The following MDGA2 variants were observed in gnomAD, a reference collection of about 807,000 sequenced individuals.
MDGA2 encodes the protein MAM domain-containing glycosylphosphatidylinositol anchor protein 2.
Under a neutral mutation model 117.8 loss-of-function variants are expected in MDGA2, and 40 were observed. The observed-to-expected ratio is 0.34, with a 90% CI of 0.26 to 0.44. The LOEUF is 0.44. Ranked by LOEUF, MDGA2 falls within the 20% of genes least tolerant of loss-of-function variation. The probability of loss-of-function intolerance (pLI) is 1.00; values close to 1 mark genes in which losing one functional copy is unlikely to be tolerated. For synonymous variants in MDGA2, 452 were observed against 439.0 expected, an observed-to-expected ratio of 1.03 and a Z score of -0.37; for missense variants, 1,123 against 1,250.6, an observed-to-expected ratio of 0.90 and a Z score of 1.54.
intron 1 of MDGA2, among the ~76,000 whole-genome samples, chr14:47,607,893 T>C (rs539944032): frequency 1.3e-5 from 2 of 152,250 alleles, no homozygotes; most frequent in South Asian, 4.1e-4. Flanking sequence ...ACAGGAAAAG[T>C]GTTCATAATA....
intron 9 of MDGA2, among the ~76,000 whole-genome samples, chr14:46,946,596 A>G (rs1885179298): frequency 6.6e-6 from 1 of 152,112 alleles, no homozygotes; most frequent in Non-Finnish European, 1.5e-5. Context: ...CTCCTATGGA[A>G]CATACATTAT....
chr14:47,190,913 CA>C lies in MDGA2; in HGVS notation c.595+27107del, dbSNP rs1415026122. Reference sequence around the variant, plus strand: ...TCTTATTACACTACCTTGTTTGAAACAACATAGTTAGAGGTCAGTTAGTGCA... The same window carrying C: ...TCTTATTACACTACCTTGTTTGAAACACATAGTTAGAGGTCAGTTAGTGCA... On this transcript the variant is annotated intron_variant, in intron 3 of 16. Coordinates refer to ENST00000399232, the MANE Select transcript of MDGA2 (RefSeq NM_001113498.3). Among the ~76,000 whole-genome samples, 24 of 152,196 alleles carry C rather than the reference CA, an allele frequency of 1.6e-4. No individual in the cohort carries two copies. The South Asian group carries it at 4.4e-3, about 28-fold the overall frequency.
At position 47,614,019 on chromosome 14, in the gene MDGA2, G is replaced by A. The variant is rs12100824; in HGVS notation, c.280+60498C>T. ...TTAGAAGTTATGATAAACTTTTCCC[G>A]GACAAAAATCAATTTTCCCCATAAA... is the stretch of plus-strand genomic sequence containing the variant. On this transcript the variant is annotated intron_variant, in intron 1 of 16. Coordinates refer to ENST00000399232, the MANE Select transcript of MDGA2 (RefSeq NM_001113498.3). Among the ~76,000 whole-genome samples the A allele has an allele frequency of 2.6e-3, 391 of 150,976 alleles. 3 individuals are homozygous for A. The highest frequency in any genetic ancestry group is 9.1e-3 in the African/African-American group (376 of 41,200).
chr14:47,194,008 C>A (rs971053783), intron 3 of MDGA2, among the ~76,000 whole-genome samples: 1 of 152,086 alleles, frequency 6.6e-6, no homozygotes, highest in Non-Finnish European at 1.5e-5. Flanking sequence ...ACAAGTAACT[C>A]AAAAATCACT....
Position 47,668,540 on chromosome 14 carries a change from T to C in MDGA2, c.280+5977A>G, listed in dbSNP as rs140244907. Among the ~76,000 whole-genome samples the C allele has an allele frequency of 6.1e-3, 929 of 152,316 alleles. 11 individuals carry two copies. Among genetic ancestry groups the C allele is most frequent in the African/African-American group, 0.021 (877 of 41,564 alleles). ...TTTTACAGGGCCAAAAGATTATTAA[T>C]TGGATTTGAAAATAAAGATAGGATA... On this transcript the variant is annotated intron_variant, in intron 1 of 16. Transcript: ENST00000399232.
chr14:46,924,606 T>C (rs1183329047), intron 9 of MDGA2, among the ~76,000 whole-genome samples: 2 of 151,980 alleles, frequency 1.3e-5, no homozygotes, highest in African/African-American at 4.8e-5. Flanking sequence ...AGCTAATACA[T>C]ATTGCTTTCC....
intron 2 of MDGA2, among the ~76,000 whole-genome samples, chr14:47,260,384 C>A (rs950288008): frequency 4.6e-5 from 7 of 151,902 alleles, no homozygotes; most frequent in African/African-American, 1.7e-4. Flanking sequence ...AAGTGAAAGA[C>A]GACAGTCAAG....
chr14:46,965,408 A>T (rs1399909284), intron 8 of MDGA2, among the ~76,000 whole-genome samples: 1 of 152,208 alleles, frequency 6.6e-6, no homozygotes, highest in Non-Finnish European at 1.5e-5. Flanking sequence ...ATGTTGGGTT[A>T]AAATTCTTCA....
rs73248044 is a variant in MDGA2, at chr14:47,131,743, A to G, written c.896T>C (p.Met299Thr). Reference sequence around the variant, plus strand: ...TTTATTGGACAGTCTAAACGACACCATCTTATCAGGAATATTACATACATT... The same window carrying G: ...TTTATTGGACAGTCTAAACGACACCGTCTTATCAGGAATATTACATACATT... Reference protein sequence around the residue: ...VRNVCNIPDKMVSFRLSNKTA... With the variant: ...VRNVCNIPDKTVSFRLSNKTA... Residue 299 changes from methionine to threonine, a missense_variant, in exon 5 of 17, where the codon ATG becomes ACG. Transcript: ENST00000399232. 5,645 of 1,580,262 alleles carry G rather than the reference A, an allele frequency of 3.6e-3. 166 individuals are homozygous for G. In the African/African-American group the frequency reaches 0.067, roughly 19 times the overall value.
intron 1 of MDGA2, among the ~76,000 whole-genome samples, chr14:47,522,340 T>TACATGTATAC (rs1894886074): frequency 8.8e-6 from 1 of 113,200 alleles, no homozygotes; most frequent in African/African-American, 3.2e-5. Flanking sequence ...TATGTGTGTA[T>TACATGTATAC]ATATGTATAT....
In MDGA2 at chr14:46,920,126, G is replaced by A; in HGVS notation, c.2124C>T (p.Thr708=). 1.2e-6 allele frequency: 2 copies of A among 1,609,788 alleles called. No individual in the cohort carries two copies. The highest frequency in any genetic ancestry group is 1.7e-6 in the Non-Finnish European group (2 of 1,178,350). Residue 708 remains threonine, a synonymous_variant, in exon 10 of 17, where the codon ACC becomes ACT. Transcript: ENST00000399232. The part of the protein sequence containing the change: ...KAYAPEFYYD[T]YNPVWQNRHR... ...GTCTGTTCTGCCATACTGGATTGTA[G>A]GTATCATAATAGAATTCTGGAGCAT...
intron 1 of MDGA2, among the ~76,000 whole-genome samples, chr14:47,467,324 A>C (rs1893624779): frequency 6.6e-6 from 1 of 152,124 alleles, no homozygotes; most frequent in Non-Finnish European, 1.5e-5. Flanking sequence ...TGCAAACTGC[A>C]TGTGCTGCAG....
chr14:47,174,229 G>C (rs562500756), intron 3 of MDGA2, among the ~76,000 whole-genome samples: 1 of 152,168 alleles, frequency 6.6e-6, no homozygotes, highest in East Asian at 1.9e-4. Flanking sequence ...GTCAACATTA[G>C]ACAGATCAAC....
intron 1 of MDGA2, among the ~76,000 whole-genome samples, chr14:47,407,257 T>C (rs1327476332): frequency 2.0e-5 from 3 of 152,170 alleles, no homozygotes; most frequent in African/African-American, 7.2e-5. Flanking sequence ...AGTTTATACT[T>C]CCACTGGTGG....
intron 1 of MDGA2, among the ~76,000 whole-genome samples, chr14:47,311,299 CTCA>C (rs1409762085): frequency 6.6e-6 from 1 of 152,062 alleles, no homozygotes; most frequent in Non-Finnish European, 1.5e-5. Context: ...TCCAGCCTAA[CTCA>C]TCAAGAAAAC....
At chr14:47,143,979 T>G in intron 4 of MDGA2, 99 bp downstream of exon 4, 1 of 913,524 alleles carries the variant, frequency 1.1e-6, no homozygotes, top group East Asian at 2.9e-5. Context: ...AAGGCCAGAA[T>G]AGAGAAACTA....
chr14:46,893,993 A>C (rs1882981843), intron 10 of MDGA2, among the ~76,000 whole-genome samples: 1 of 152,018 alleles, frequency 6.6e-6, no homozygotes, highest in Non-Finnish European at 1.5e-5. Flanking sequence ...TTCATTTTCC[A>C]CAATTTTTAG....
rs141599158 is a variant in MDGA2, at chr14:47,602,058, C to T, written c.280+72459G>A. Among the ~76,000 whole-genome samples the T allele has an allele frequency of 3.2e-3, 482 of 152,262 alleles. 2 individuals are homozygous for T. The highest frequency in any genetic ancestry group is 0.011 in the African/African-American group (455 of 41,556). ...GATGCAGAATAAATGATACAATCTA[C>T]GCTACATTATTAACCTAAGAAAGCT... On this transcript the variant is annotated intron_variant, in intron 1 of 16. Coordinates refer to ENST00000399232, the MANE Select transcript of MDGA2 (RefSeq NM_001113498.3).
chr14:46,878,220 A>C (rs1467901715), intron 11 of MDGA2, among the ~76,000 whole-genome samples: 1 of 151,996 alleles, frequency 6.6e-6, no homozygotes, highest in East Asian at 1.9e-4. Context: ...AGAAATGAAT[A>C]CTTTAAATAT....
Sources: allele counts gnomAD v4.1 joint callset (sites outside exome capture counted in the v4.1 genomes callset), GRCh38; gene constraint gnomAD v4.1.1; transcripts MANE v1.5; gene names NCBI Gene and HGNC (gene_info 2026-07-23, HGNC 2026-07-21).